The following NELL2 variants were observed in gnomAD, a reference collection of about 807,000 sequenced individuals.
NELL2 encodes protein kinase C-binding protein NELL2.
NELL2 carries 41 observed loss-of-function variants against 109.6 expected under a neutral mutation model. That is an observed-to-expected ratio of 0.37 (90% confidence interval 0.29 to 0.49). The LOEUF (loss-of-function observed/expected upper bound fraction) is 0.49. Ranked by LOEUF, NELL2 falls within the 20% of genes least tolerant of loss-of-function variation. The probability of loss-of-function intolerance (pLI) is 0.98; values close to 1 mark genes in which losing one functional copy is unlikely to be tolerated. For synonymous variants in NELL2, 355 were observed against 344.7 expected (o/e 1.03, Z -0.33); for missense variants, 900 against 1,008.3 (o/e 0.89, Z 1.45).
At chr12:44,852,482 A>C (rs1944562390) in intron 2 of NELL2, among the ~76,000 whole-genome samples, 2 of 152,186 alleles carry the variant, frequency 1.3e-5, no homozygotes, top group Admixed American at 6.5e-5. Context: ...GAACAGTTTA[A>C]ACATTCCCTC....
intron 1 of NELL2, among the ~76,000 whole-genome samples, chr12:44,882,479 T>A (rs1358459379): frequency 6.6e-6 from 1 of 151,492 alleles, no homozygotes; most frequent in Non-Finnish European, 1.5e-5. Context: ...TGTGTATATA[T>A]ACATACACAC....
chr12:44,823,844 G>A (rs927368198), intron 2 of NELL2, among the ~76,000 whole-genome samples: 3 of 152,048 alleles, frequency 2.0e-5, no homozygotes, highest in East Asian at 3.9e-4. Context: ...ACCAATTTAC[G>A]TTCAAACCAA....
intron 19 of NELL2, among the ~76,000 whole-genome samples, chr12:44,516,528 T>C (rs1211874136): frequency 2.0e-5 from 3 of 152,222 alleles, no homozygotes; most frequent in Non-Finnish European, 4.4e-5. Flanking sequence ...AAATAATTAT[T>C]TATAATTTTA....
intron 12 of NELL2, among the ~76,000 whole-genome samples, chr12:44,686,305 T>C (rs1948714034): frequency 6.6e-6 from 1 of 152,184 alleles, no homozygotes; most frequent in African/African-American, 2.4e-5. Flanking sequence ...TTATTCCAGT[T>C]ATACATTCTT....
At chr12:44,678,616 C>G (rs909649220) in intron 12 of NELL2, among the ~76,000 whole-genome samples, 1 of 152,062 alleles carries the variant, frequency 6.6e-6, no homozygotes, top group Non-Finnish European at 1.5e-5. Context: ...TTGTGAGCTA[C>G]CTAACGTCCT....
At chr12:44,909,205 T>C (rs1460011225) in intron 1 of NELL2, among the ~76,000 whole-genome samples, 1 of 151,994 alleles carries the variant, frequency 6.6e-6, no homozygotes, top group East Asian at 1.9e-4. Flanking sequence ...AAAAGGCTAC[T>C]GAAACTGATA....
At chr12:44,861,061 T>C (rs895821960) in intron 2 of NELL2, among the ~76,000 whole-genome samples, 31 of 152,018 alleles carry the variant, frequency 2.0e-4, no homozygotes, top group Non-Finnish European at 3.4e-4. Context: ...CACATAACAA[T>C]ATACCATCAC....
In NELL2 at chr12:44,583,584, T is replaced by C. The variant is rs1287532783; in HGVS notation, c.1663+23585A>G. Among the ~76,000 whole-genome samples, 3 of 152,162 alleles carry C rather than the reference T, an allele frequency of 2.0e-5. No homozygotes were observed. The East Asian group carries it at 5.8e-4, about 29-fold the overall frequency. ...TGTCATGAACTGTGTGAATTATTAA[T>C]AAAAAACAAAGATTTATGACATTAT... On this transcript the variant is annotated intron_variant, in intron 15 of 19. Transcript: ENST00000429094.
intron 9 of NELL2, among the ~76,000 whole-genome samples, chr12:44,759,560 G>C (rs1251335860): frequency 6.6e-6 from 1 of 152,134 alleles, no homozygotes. Flanking sequence ...ATACAAGCAA[G>C]CCCAGCATGA....
intron 15 of NELL2, among the ~76,000 whole-genome samples, chr12:44,537,308 T>C (rs759618524): frequency 7.9e-5 from 12 of 152,180 alleles, no homozygotes; most frequent in Non-Finnish European, 1.6e-4. Flanking sequence ...GTAATAGTTA[T>C]TTCTACTATA....
intron 12 of NELL2, among the ~76,000 whole-genome samples, chr12:44,696,205 A>T (rs1389039809): frequency 6.6e-6 from 1 of 152,206 alleles, no homozygotes; most frequent in Non-Finnish European, 1.5e-5. Flanking sequence ...AGTTTAAAAA[A>T]CAGTTACTTG....
intron 15 of NELL2, among the ~76,000 whole-genome samples, chr12:44,597,973 A>G (rs1196252171): frequency 1.3e-5 from 2 of 152,112 alleles, no homozygotes. Context: ...TGTTCCTACA[A>G]TTTGAATAGC....
Position 44,844,567 on chromosome 12 carries a change from T to G in NELL2, c.185-28431A>C, listed in dbSNP as rs147731681. ...GGAGTGGCAGGGTCACCTGGAAAGATGCACAAACATGCTCGAATTTTTTTT... is the reference window on the plus strand; with the variant it reads ...GGAGTGGCAGGGTCACCTGGAAAGAGGCACAAACATGCTCGAATTTTTTTT... On this transcript the variant is annotated intron_variant, in intron 2 of 19. Coordinates refer to ENST00000429094, the MANE Select transcript of NELL2 (RefSeq NM_001145108.2). Among the ~76,000 whole-genome samples, 1,147 of 152,322 alleles carry G rather than the reference T, an allele frequency of 7.5e-3. 8 individuals carry two copies. Among genetic ancestry groups the G allele is most frequent in the African/African-American group, 0.021 (893 of 41,572 alleles).
intron 13 of NELL2, among the ~76,000 whole-genome samples, chr12:44,614,897 C>T (rs996741004): frequency 4.6e-5 from 7 of 151,900 alleles, no homozygotes; most frequent in Non-Finnish European, 1.0e-4. Flanking sequence ...ATATAAAATG[C>T]AAATACTTCA....
intron 13 of NELL2, among the ~76,000 whole-genome samples, chr12:44,617,274 A>G (rs986293357): frequency 5.3e-5 from 8 of 152,194 alleles, no homozygotes; most frequent in Non-Finnish European, 8.8e-5. Flanking sequence ...CAGTGTATAT[A>G]GTACATATTC....
intron 15 of NELL2, among the ~76,000 whole-genome samples, chr12:44,536,409 A>G (rs981190688): frequency 5.9e-5 from 9 of 152,070 alleles, no homozygotes; most frequent in African/African-American, 2.2e-4. Flanking sequence ...AGTAAAAAAG[A>G]GTTCAAATAA....
intron 1 of NELL2, among the ~76,000 whole-genome samples, chr12:44,883,679 G>T (rs1182699246): frequency 6.6e-6 from 1 of 151,956 alleles, no homozygotes; most frequent in African/African-American, 2.4e-5. Context: ...ACAACATAAA[G>T]ATATGAGAAT....
At position 44,821,116 on chromosome 12, in the gene NELL2, T is replaced by C. The variant is rs116114945; in HGVS notation, c.185-4980A>G. ...TGCACATATGATACTATACAAATTT[T>C]ATCCTGCAAAATTTTATAATAATAT... On this transcript the variant is annotated intron_variant, in intron 2 of 19. Coordinates refer to ENST00000429094, the MANE Select transcript of NELL2 (RefSeq NM_001145108.2). Among the ~76,000 whole-genome samples the C allele has an allele frequency of 6.4e-3, 971 of 152,208 alleles. 13 individuals are homozygous for C. Among genetic ancestry groups the C allele is most frequent in the African/African-American group, 0.022 (923 of 41,532 alleles).
chr12:44,627,327 T>C (rs928621201), intron 13 of NELL2, among the ~76,000 whole-genome samples: 1 of 152,104 alleles, frequency 6.6e-6, no homozygotes, highest in Non-Finnish European at 1.5e-5. Flanking sequence ...ATTTTTTGCA[T>C]TGACATGGAA....
Sources: allele counts gnomAD v4.1 joint callset (sites outside exome capture counted in the v4.1 genomes callset), GRCh38; gene constraint gnomAD v4.1.1; transcripts MANE v1.5; gene names NCBI Gene and HGNC (gene_info 2026-07-23, HGNC 2026-07-21).